PPP2R3A: variants seen among roughly 807,000 people sequenced by gnomAD.
PPP2R3A encodes the protein serine/threonine-protein phosphatase 2A regulatory subunit B'' subunit alpha.
A neutral mutation model predicts 106.9 loss-of-function variants in PPP2R3A; 80 were observed. The ratio of observed to expected loss-of-function variants is 0.75; its 90% CI spans 0.62 to 0.90. The LOEUF is 0.90. Ranked by LOEUF, PPP2R3A falls within the 40% of genes least tolerant of loss-of-function variation. The probability of loss-of-function intolerance (pLI) is 0.00; values close to 1 mark genes in which losing one functional copy is unlikely to be tolerated. For synonymous variants in PPP2R3A, 483 were observed against 468.3 expected (o/e 1.03, Z -0.41); for missense variants, 1,386 against 1,350.4 (o/e 1.03, Z -0.41).
chr3:135,994,527 C>A (rs192988156), intron 1 of PPP2R3A, among the ~76,000 whole-genome samples: 44 of 152,278 alleles, frequency 2.9e-4, no homozygotes, highest in African/African-American at 1.0e-3. Context: ...CTGCTACCAA[C>A]AAACCTTGGC....
intron 1 of PPP2R3A, among the ~76,000 whole-genome samples, chr3:135,995,085 A>C (rs557161410): frequency 2.6e-5 from 4 of 152,342 alleles, no homozygotes; most frequent in East Asian, 1.9e-4. Flanking sequence ...CTAAAGATGC[A>C]TATGAAACAC....
At chr3:136,017,413 G>T (rs1190378391) in intron 2 of PPP2R3A, among the ~76,000 whole-genome samples, 1 of 152,234 alleles carries the variant, frequency 6.6e-6, no homozygotes, top group Admixed American at 6.5e-5. Context: ...TACTCAGCCT[G>T]TTAGAACTAC....
chr3:135,984,339 A>C (rs1402333212), intron 1 of PPP2R3A, among the ~76,000 whole-genome samples: 1 of 152,170 alleles, frequency 6.6e-6, no homozygotes, highest in African/African-American at 2.4e-5. Context: ...AACATGCGTA[A>C]ATTTTTTTCT....
At chr3:136,070,338 A>G in intron 5 of PPP2R3A, 140 bp from the exon 6 acceptor site, 4 of 600,900 alleles carry the variant, frequency 6.7e-6, no homozygotes, top group Non-Finnish European at 1.1e-5. Context: ...CGAATTTAAT[A>G]AAGAATTAAA....
intron 2 of PPP2R3A, among the ~76,000 whole-genome samples, chr3:136,005,357 A>ACTCAC (rs1933805977): frequency 6.6e-6 from 1 of 152,152 alleles, no homozygotes; most frequent in Non-Finnish European, 1.5e-5. Flanking sequence ...AATAAGGGAT[A>ACTCAC]CTCAGTCTGT....
At chr3:136,021,022 G>A (rs1934448325) in intron 2 of PPP2R3A, among the ~76,000 whole-genome samples, 2 of 152,018 alleles carry the variant, frequency 1.3e-5, no homozygotes, top group Admixed American at 6.6e-5. Flanking sequence ...AGGAAAGGGA[G>A]CATTCTCAGG....
chr3:136,140,442 T>TAAAAAAAAAAAAAAAAAAAAA (rs199699500), intron 13 of PPP2R3A, among the ~76,000 whole-genome samples: 1 of 87,236 alleles, frequency 1.1e-5, no homozygotes, highest in African/African-American at 4.8e-5. Context: ...TGAGACTCTT[T>TAAAAAAAAAAAAAAAAAAAAA]AAAAAAAAAA....
intron 1 of PPP2R3A, among the ~76,000 whole-genome samples, chr3:135,990,964 G>C (rs1261871901): frequency 6.6e-6 from 1 of 152,072 alleles, no homozygotes; most frequent in East Asian, 1.9e-4. Flanking sequence ...CTGGAAGCCT[G>C]TCTTCAAACT....
chr3:136,087,245 G>GTCTCTCTCTCTCTCTCTCTCTCTC (rs34566151), intron 8 of PPP2R3A, among the ~76,000 whole-genome samples: 9 of 75,128 alleles, frequency 1.2e-4, no homozygotes, highest in Non-Finnish European at 1.3e-4. Context: ...CTCTAGTCGT[G>GTCTCTCTCTCTCTCTCTCTCTCTC]TCTCTCTCTC....
At chr3:136,050,693 A>G (rs940576876) in intron 5 of PPP2R3A, among the ~76,000 whole-genome samples, 1 of 152,158 alleles carries the variant, frequency 6.6e-6, no homozygotes, top group South Asian at 2.1e-4. Context: ...CCTATCACCC[A>G]CAGACTTCTC....
At chr3:135,986,512 C>G (rs1932925310) in intron 1 of PPP2R3A, among the ~76,000 whole-genome samples, 1 of 152,138 alleles carries the variant, frequency 6.6e-6, no homozygotes, top group Non-Finnish European at 1.5e-5. Flanking sequence ...GGCTATTATA[C>G]TAGATTTCTC....
intron 2 of PPP2R3A, among the ~76,000 whole-genome samples, chr3:136,025,514 TAGG>T (rs889312944): frequency 2.6e-5 from 4 of 152,074 alleles, no homozygotes; most frequent in East Asian, 1.9e-4. Context: ...ATGACAAAAA[TAGG>T]AGATTTAACC....
chr3:136,003,631 A>T (rs1254468144), intron 2 of PPP2R3A, 138 bp downstream of exon 2: 1 of 692,466 alleles, frequency 1.4e-6, no homozygotes, highest in East Asian at 3.0e-5. Flanking sequence ...GATCTCACTC[A>T]GCTCAGAGTC....
chr3:136,095,965 A>G (rs919958447), intron 10 of PPP2R3A, among the ~76,000 whole-genome samples: 1 of 152,168 alleles, frequency 6.6e-6, no homozygotes, highest in African/African-American at 2.4e-5. Flanking sequence ...CACCTAACCT[A>G]CTGAACATTA....
intron 1 of PPP2R3A, among the ~76,000 whole-genome samples, chr3:135,969,182 T>TTA (rs1937171669): frequency 6.6e-6 from 1 of 152,220 alleles, no homozygotes; most frequent in Non-Finnish European, 1.5e-5. Flanking sequence ...CTGGTCATAT[T>TTA]AGAATGCTTT....
chr3:135,974,820 C>T (rs1937366752), intron 1 of PPP2R3A, among the ~76,000 whole-genome samples: 1 of 152,244 alleles, frequency 6.6e-6, no homozygotes, highest in Non-Finnish European at 1.5e-5. Context: ...GTTGAAAAAG[C>T]AGCTTGAAAA....
At chr3:136,105,218 T>G (rs1937485022) in intron 12 of PPP2R3A, among the ~76,000 whole-genome samples, 1 of 152,182 alleles carries the variant, frequency 6.6e-6, no homozygotes, top group Non-Finnish European at 1.5e-5. Flanking sequence ...GAATGGGGGC[T>G]TGGGGAAGGT....
chr3:136,114,917 A>G (rs1937683807), intron 13 of PPP2R3A, among the ~76,000 whole-genome samples: 1 of 152,066 alleles, frequency 6.6e-6, no homozygotes, highest in Admixed American at 6.6e-5. Flanking sequence ...CTCCCAGCAC[A>G]ACGTTTGAGA....
At chr3:136,124,321 T>G (rs969218868) in intron 13 of PPP2R3A, among the ~76,000 whole-genome samples, 3 of 152,028 alleles carry the variant, frequency 2.0e-5, no homozygotes, top group Admixed American at 1.3e-4. Flanking sequence ...GAGACCCCAC[T>G]TCTACAGAAT....
Sources: gnomAD v4.1 joint callset for allele counts (sites outside exome capture counted in the v4.1 genomes callset) on GRCh38, gnomAD v4.1.1 for gene constraint, MANE v1.5 for transcripts, NCBI Gene and HGNC (gene_info 2026-07-23, HGNC 2026-07-21) for gene names.